MMAB: variants seen among roughly 807,000 people sequenced by gnomAD.
MMAB encodes the protein corrinoid adenosyltransferase MMAB.
MMAB carries 17 observed loss-of-function variants against 30.6 expected under a neutral mutation model. The observed-to-expected ratio is 0.56, with a 90% CI of 0.38 to 0.83. The LOEUF is 0.83. MMAB is among the 40% of genes least tolerant of loss of function. MMAB has a pLI of 0.00. For missense variants in MMAB, 311 were observed against 331.6 expected, an observed-to-expected ratio of 0.94 and a Z score of 0.48; for synonymous variants, 134 against 138.6, an observed-to-expected ratio of 0.97 and a Z score of 0.23.
chr12:109,559,057 C>G, intron 8 of MMAB, 39 bp downstream of exon 8: 1 of 1,557,184 alleles, frequency 6.4e-7, no homozygotes, highest in South Asian at 1.1e-5. Context: ...AGATGAGCCT[C>G]GGCTTTCAGA....
intron 2 of MMAB, 101 bp from the exon 3 acceptor site, chr12:109,568,964 T>C (rs1220899391): frequency 3.3e-6 from 3 of 896,278 alleles, no homozygotes; most frequent in East Asian, 5.1e-5. Flanking sequence ...AACTTTCTCT[T>C]TTTTGAACAG....
intron 2 of MMAB, 106 bp downstream of exon 2, chr12:109,571,543 C>G: frequency 9.5e-7 from 1 of 1,053,110 alleles, no homozygotes; most frequent in Non-Finnish European, 1.5e-6. Flanking sequence ...TGAGCCACCG[C>G]GCCTGGTATA....
At chr12:109,565,897 C>T (rs1475450030) in intron 3 of MMAB, among the ~76,000 whole-genome samples, 1 of 152,178 alleles carries the variant, frequency 6.6e-6, no homozygotes, top group Admixed American at 6.5e-5. Context: ...CTCTGCCTCC[C>T]TCAGAACCCT....
rs545623412 is a variant in MMAB at position 109,554,975 on chromosome 12, G to A, written c.*2053C>T. 95 of 454,072 alleles carry A rather than the reference G, an allele frequency of 2.1e-4. No homozygotes were observed. The highest frequency in any genetic ancestry group is 6.9e-4 in the Middle Eastern group (1 of 1,444). 28.1% of individuals were successfully genotyped at this position (454,072 alleles called of 1,614,324 possible). ...GATACAGAGGCGGGGGTCTGAGAAC[G>A]CGACTGTTAACATCCAGGCTGTGAC... is the stretch of plus-strand genomic sequence containing the variant. On this transcript the variant is annotated 3_prime_UTR_variant, in exon 9 of 9. Transcript: ENST00000545712.
Position 109,556,828 on chromosome 12 carries a change from G to C in MMAB, c.*200C>G. ...GACCCAGGAGAGCTTGGGGAAGCAG[G>C]GTCAGGGACAGAATCCCCAAAGGGT... is the stretch of plus-strand genomic sequence containing the variant. On this transcript the variant is annotated 3_prime_UTR_variant, in exon 9 of 9. Coordinates refer to ENST00000545712, the MANE Select transcript of MMAB (RefSeq NM_052845.4). 1 of 675,280 alleles carries C rather than the reference G, an allele frequency of 1.5e-6. No individual in the cohort carries two copies. The highest frequency in any genetic ancestry group is 2.7e-6 in the Non-Finnish European group (1 of 368,964). The allele number at this position is 675,280 out of a possible 1,614,324, so 41.8% of individuals were successfully genotyped here.
rs1246305877 is a variant in MMAB, at chr12:109,556,019, C to T, written c.*1009G>A. 1 of 454,086 alleles carries T rather than the reference C, an allele frequency of 2.2e-6. No homozygotes were observed. Among genetic ancestry groups the T allele is most frequent in the Non-Finnish European group, 4.4e-6 (1 of 226,770 alleles). 28.1% of individuals were successfully genotyped at this position (454,086 alleles called of 1,614,324 possible). A position where few individuals can be genotyped will look rare whatever the true frequency, so the allele number is the denominator to read the frequency against. On this transcript the variant is annotated 3_prime_UTR_variant, in exon 9 of 9. Transcript: ENST00000545712. The stretch of plus-strand genomic sequence containing the variant: ...CCTGCCCTTCCAAAGTCATTTCCTG[C>T]AATTAGCAGCCTGCAGTCTTTAGGT...
intron 2 of MMAB, among the ~76,000 whole-genome samples, chr12:109,570,641 G>T (rs117833560): frequency 0.054 from 8,145 of 152,138 alleles, 303 homozygotes; most frequent in Non-Finnish European, 0.082. Flanking sequence ...AGGCTGAGCT[G>T]GGAGGATACC....
At chr12:109,564,804 G>A (rs1351373678) in intron 4 of MMAB, 1 of 464,638 alleles carries the variant, frequency 2.2e-6, no homozygotes, top group Non-Finnish European at 4.0e-6. Context: ...TCAGTTTCCT[G>A]AGTAGCTAAG....
Position 109,561,715 on chromosome 12 carries a change from G to A in MMAB, c.421+65C>T. ...TCCCTGGGGGCCTGGGATCCCAGAT[G>A]GTGACCCTAGGAGAGTCCCCTGACC... is the stretch of plus-strand genomic sequence containing the variant. On this transcript the variant is annotated intron_variant, in intron 5 of 8. Coordinates refer to ENST00000545712, the MANE Select transcript of MMAB (RefSeq NM_052845.4). This position sits in a 1 kb window ranked among gnomAD's most constrained non-coding sequence, Gnocchi z 5.3. 6.8e-7 allele frequency: 1 copy of A among 1,463,010 alleles called. No individual in the cohort carries two copies. Among genetic ancestry groups the A allele is most frequent in the Non-Finnish European group, 9.4e-7 (1 of 1,064,384 alleles). 90.6% of individuals were successfully genotyped at this position (1,463,010 alleles called of 1,614,324 possible).
At position 109,561,900 on chromosome 12, in the gene MMAB, G is replaced by T; in HGVS notation, c.349-48C>A. On this transcript the variant is annotated intron_variant, in intron 4 of 8. Transcript: ENST00000545712. The surrounding 1 kb of genome is among the most constrained non-coding windows in gnomAD (Gnocchi z 5.3). ...AGTCAAGATCTATGTGAGATGGGCTGGACAGAGACAATGTGCAGAGGCGCC... is the reference window on the plus strand; with the variant it reads ...AGTCAAGATCTATGTGAGATGGGCTTGACAGAGACAATGTGCAGAGGCGCC... The T allele has an allele frequency of 6.5e-7, 1 of 1,534,684 alleles. No individual in the cohort carries two copies. Among genetic ancestry groups the T allele is most frequent in the Non-Finnish European group, 8.9e-7 (1 of 1,124,822 alleles).
chr12:109,554,240 T>TG lies in MMAB; in HGVS notation c.*2787dup. The stretch of plus-strand genomic sequence containing the variant: ...TGGGGTTCAAATGAGATAATGTCTG[T>TG]GGAACACTTGGCTCAGGGCACTGCA... On this transcript the variant is annotated 3_prime_UTR_variant, in exon 9 of 9. Transcript: ENST00000545712. 2.2e-6 allele frequency: 1 copy of TG among 454,016 alleles called. No homozygotes were observed. Among genetic ancestry groups the TG allele is most frequent in the East Asian group, 7.0e-5 (1 of 14,380 alleles). The allele number at this position is 454,016 out of a possible 1,614,324, so 28.1% of individuals were successfully genotyped here.
Position 109,556,640 on chromosome 12 carries a change from G to GCTCTCTCTCT in MMAB, c.*387_*388insAGAGAGAGAG, listed in dbSNP as rs370296168. Reference sequence around the variant, plus strand: ...AACAACCTGAGCTGGCAGTGGGAGGGCTCTCTCTCACACACACACACACAC... The same window carrying GCTCTCTCTCT: ...AACAACCTGAGCTGGCAGTGGGAGGGCTCTCTCTCTCTCTCTCTCACACACACACACACAC... On this transcript the variant is annotated 3_prime_UTR_variant, in exon 9 of 9. Coordinates refer to ENST00000545712, the MANE Select transcript of MMAB (RefSeq NM_052845.4). 14 of 441,374 alleles carry GCTCTCTCTCT rather than the reference G, an allele frequency of 3.2e-5. No homozygotes were observed. Among genetic ancestry groups the GCTCTCTCTCT allele is most frequent in the African/African-American group, 1.8e-4 (8 of 45,286 alleles). 27.3% of individuals were successfully genotyped at this position (441,374 alleles called of 1,614,324 possible). A position where few individuals can be genotyped will look rare whatever the true frequency, so the allele number is the denominator to read the frequency against.
Position 109,568,798 on chromosome 12 carries a change from T to C in MMAB, c.262A>G (p.Thr88Ala). The C allele has an allele frequency of 6.2e-7, 1 of 1,614,134 alleles. No individual in the cohort carries two copies. The change falls in exon 3 of 9, where the codon ACT (threonine) becomes GCT (alanine). Residue 88 changes from threonine to alanine, a missense_variant. By Grantham distance (58) the Thr-to-Ala change is moderately conservative (BLOSUM62 0). Transcript: ENST00000545712. ...ATAGCTGAACTTAATTCATCTGTAG[T>C]TCCCACGGCTTCAAACACTTGGTCA... ...KDDQVFEAVG[T>A]TDELSSAIGF...
Position 109,571,684 on chromosome 12 carries a change from C to G in MMAB, c.161G>C (p.Arg54Thr). Residue 54 changes from arginine (R) to threonine (T), a missense_variant, in exon 2 of 9, where the codon AGG (arginine) becomes ACG (threonine). Transcript: ENST00000545712. The stretch of plus-strand genomic sequence containing the variant: ...CGTTTTGGTGTAAATCTTGGGGATC[C>G]TGGGTGTCTTCGAGGAAGGCTGTGG... ...DRPQPSSKTP[R>T]IPKIYTKTGD... The G allele has an allele frequency of 1.9e-6, 3 of 1,614,092 alleles. No homozygotes were observed. The highest frequency in any genetic ancestry group is 2.5e-6 in the Non-Finnish European group (3 of 1,179,994).
In MMAB at chr12:109,569,446, C is replaced by T. The variant is rs987921794; in HGVS notation, c.197-583G>A. 6.6e-6 allele frequency among the ~76,000 whole-genome samples: 1 copy of T among 152,202 alleles called. No individual in the cohort carries two copies. Among genetic ancestry groups the T allele is most frequent in the Non-Finnish European group, 1.5e-5 (1 of 68,032 alleles). On this transcript the variant is annotated intron_variant, in intron 2 of 8. Coordinates refer to ENST00000545712, the MANE Select transcript of MMAB (RefSeq NM_052845.4). This position sits in a 1 kb window ranked among gnomAD's most constrained non-coding sequence, Gnocchi z 4.1. Reference sequence around the variant, plus strand: ...CTCCCCAAGGGTTAGCCACTATGCTCACTTCTTTCCTGATGTGCTTTTCAA... The same window carrying T: ...CTCCCCAAGGGTTAGCCACTATGCTTACTTCTTTCCTGATGTGCTTTTCAA...
At chr12:109,567,027 T>G (rs1053155139) in intron 3 of MMAB, 1 of 455,814 alleles carries the variant, frequency 2.2e-6, no homozygotes, top group Non-Finnish European at 4.4e-6. Flanking sequence ...AGGCCCGCCA[T>G]GGAGAAATGG....
chr12:109,565,294 T>C, intron 3 of MMAB, 118 bp from the exon 4 acceptor site: 1 of 800,700 alleles, frequency 1.2e-6, no homozygotes, highest in Admixed American at 1.8e-5. Flanking sequence ...ATAATAGCCA[T>C]GTTATTTTTC....
rs1192837039 is a variant in MMAB, at chr12:109,553,936, G to A, written c.*3092C>T. 1.5e-5 allele frequency: 7 copies of A among 453,926 alleles called. No individual in the cohort carries two copies. Among genetic ancestry groups the A allele is most frequent in the African/African-American group, 1.0e-4 (5 of 49,976 alleles). The allele number at this position is 453,926 out of a possible 1,614,324, so 28.1% of individuals were successfully genotyped here. ...TGTCATTGGGATGTGTTACAAGTTC[G>A]GGCTGTGGAAATTACTCGATGAAAA... On this transcript the variant is annotated 3_prime_UTR_variant, in exon 9 of 9. Coordinates refer to ENST00000545712, the MANE Select transcript of MMAB (RefSeq NM_052845.4).
At chr12:109,571,619 C>CT in intron 2 of MMAB, 30 bp downstream of exon 2, 1 of 1,598,596 alleles carries the variant, frequency 6.3e-7, no homozygotes, top group Non-Finnish European at 8.6e-7. Context: ...ATGAGTATTT[C>CT]TTTGCATTTT....
Sources: gnomAD v4.1 joint callset for allele counts (sites outside exome capture counted in the v4.1 genomes callset) on GRCh38, gnomAD v4.1.1 for gene constraint, Gnocchi (gnomAD v3.1) non-coding constraint, MANE v1.5 for transcripts, NCBI Gene and HGNC (gene_info 2026-07-23, HGNC 2026-07-21) for gene names.